Variants in MAP7 observed in about 807,000 individuals in gnomAD.
MAP7 encodes ensconsin.
MAP7 carries 52 observed loss-of-function variants against 94.8 expected under a neutral mutation model. The ratio of observed to expected loss-of-function variants is 0.55; its 90% CI spans 0.44 to 0.69. MAP7 has a LOEUF of 0.69. Ranked by LOEUF, MAP7 falls within the 30% of genes least tolerant of loss-of-function variation. The pLI, the probability that MAP7 is intolerant of heterozygous loss-of-function variation, is 0.00. For synonymous variants in MAP7, 350 were observed against 357.0 expected (o/e 0.98, Z 0.22); for missense variants, 940 against 964.6 (o/e 0.97, Z 0.34).
intron 1 of MAP7, among the ~76,000 whole-genome samples, chr6:136,479,629 C>T (rs181994729): frequency 1.3e-5 from 2 of 152,226 alleles, no homozygotes; most frequent in East Asian, 1.9e-4. Flanking sequence ...TACCAAAATA[C>T]TATTATAACT....
At position 136,544,923 on chromosome 6, in the gene MAP7, GC is replaced by G. The variant is rs748514356; in HGVS notation, c.67+5418del. Among the ~76,000 whole-genome samples, 3 of 152,126 alleles carry G rather than the reference GC, an allele frequency of 2.0e-5. No homozygotes were observed. The South Asian group carries it at 6.2e-4, about 32-fold the overall frequency. On this transcript the variant is annotated intron_variant, in intron 1 of 17. Transcript: ENST00000354570. ...CAGCCCAGGCAACATAGCAAGACCC[GC>G]CCCCCATCTCTTTGGGGTAAAGAAC...
intron 6 of MAP7, among the ~76,000 whole-genome samples, chr6:136,379,542 T>A: frequency 6.6e-6 from 1 of 152,216 alleles, no homozygotes; most frequent in East Asian, 1.9e-4. Context: ...AGAATACATG[T>A]ACAGGGTAAA....
intron 3 of MAP7, among the ~76,000 whole-genome samples, chr6:136,394,435 T>A (rs566743607): frequency 6.6e-6 from 1 of 151,884 alleles, no homozygotes; most frequent in South Asian, 2.1e-4. Context: ...AATTTTTTTT[T>A]ATGTTTTTTA....
intron 1 of MAP7, among the ~76,000 whole-genome samples, chr6:136,536,424 C>T (rs1225628146): frequency 6.6e-6 from 1 of 152,062 alleles, no homozygotes; most frequent in African/African-American, 2.4e-5. Flanking sequence ...GACCTAAACC[C>T]GTGGATGGCA....
intron 1 of MAP7, among the ~76,000 whole-genome samples, chr6:136,454,814 G>T (rs1316180474): frequency 6.6e-6 from 1 of 152,006 alleles, no homozygotes; most frequent in African/African-American, 2.4e-5. Context: ...TGGGAGGATG[G>T]CTTAAGCTCA....
At chr6:136,345,306 T>C (rs946368394) in intron 17 of MAP7, among the ~76,000 whole-genome samples, 3 of 152,208 alleles carry the variant, frequency 2.0e-5, no homozygotes, top group African/African-American at 7.2e-5. Context: ...TTAGACTCAG[T>C]GTGAGTACTG....
chr6:136,505,065 A>T lies in MAP7; in HGVS notation c.67+45277T>A, dbSNP rs1349137072. On this transcript the variant is annotated intron_variant, in intron 1 of 17. Coordinates refer to ENST00000354570, the MANE Select transcript of MAP7 (RefSeq NM_003980.6). ...TGGCCCTCTGCTTCTTTTGTTTTTT[A>T]AAATAATTTTGCAAACATTGTAACT... Among the ~76,000 whole-genome samples, 5 of 151,944 alleles carry T rather than the reference A, an allele frequency of 3.3e-5. No individual in the cohort carries two copies. In the South Asian group the frequency reaches 8.3e-4, roughly 25 times the overall value.
At chr6:136,472,528 A>T (rs575874474) in intron 1 of MAP7, among the ~76,000 whole-genome samples, 67 of 152,270 alleles carry the variant, frequency 4.4e-4, no homozygotes, top group African/African-American at 1.5e-3. Context: ...ATATAATTTG[A>T]TGTTTCCTTT....
chr6:136,434,087 G>A lies in MAP7; in HGVS notation c.68-12288C>T, dbSNP rs566225129. Among the ~76,000 whole-genome samples the A allele has an allele frequency of 4.6e-5, 7 of 152,132 alleles. No individual in the cohort carries two copies. The East Asian group carries it at 5.8e-4, about 13-fold the overall frequency. On this transcript the variant is annotated intron_variant, in intron 1 of 17. Transcript: ENST00000354570. Reference sequence around the variant, plus strand: ...TTTGGGGTGCCAGGGCGAGTGGATCGCTGAGCTCAGGAGTTCGAGACCAGC... The same window carrying A: ...TTTGGGGTGCCAGGGCGAGTGGATCACTGAGCTCAGGAGTTCGAGACCAGC...
intron 2 of MAP7, chr6:136,419,897 C>G: frequency 1.9e-6 from 1 of 532,854 alleles, no homozygotes; most frequent in Non-Finnish European, 3.5e-6. Context: ...GGATTATCCA[C>G]TATCTTCTCT....
At chr6:136,474,319 T>C (rs1397177783) in intron 1 of MAP7, among the ~76,000 whole-genome samples, 1 of 152,198 alleles carries the variant, frequency 6.6e-6, no homozygotes, top group Non-Finnish European at 1.5e-5. Flanking sequence ...GTGACTCTGG[T>C]TGCTGTGTAG....
chr6:136,474,416 G>C (rs1810148244), intron 1 of MAP7, among the ~76,000 whole-genome samples: 1 of 152,144 alleles, frequency 6.6e-6, no homozygotes, highest in African/African-American at 2.4e-5. Flanking sequence ...AATCTGAGGA[G>C]AGAGCAGATG....
intron 1 of MAP7, among the ~76,000 whole-genome samples, chr6:136,479,943 G>C (rs1392946511): frequency 3.3e-5 from 5 of 152,112 alleles, no homozygotes; most frequent in Non-Finnish European, 5.9e-5. Flanking sequence ...CAGATTCAAT[G>C]CAATTCCTAT....
intron 5 of MAP7, among the ~76,000 whole-genome samples, chr6:136,387,696 A>C: frequency 6.6e-6 from 1 of 152,184 alleles, no homozygotes; most frequent in East Asian, 1.9e-4. Flanking sequence ...TGATGATTCA[A>C]CAAAACCACC....
chr6:136,462,393 T>C (rs1389923535), intron 1 of MAP7, among the ~76,000 whole-genome samples: 2 of 152,186 alleles, frequency 1.3e-5, no homozygotes, highest in African/African-American at 4.8e-5. Flanking sequence ...CCTTCCTGAT[T>C]TAAGTTTCTC....
chr6:136,431,371 T>C (rs1392762514), intron 1 of MAP7, among the ~76,000 whole-genome samples: 3 of 152,050 alleles, frequency 2.0e-5, no homozygotes, highest in Non-Finnish European at 4.4e-5. Context: ...AACCAAAACA[T>C]AATGGGAAAT....
intron 1 of MAP7, among the ~76,000 whole-genome samples, chr6:136,475,671 A>T (rs1224433506): frequency 2.6e-5 from 4 of 152,234 alleles, no homozygotes; most frequent in Non-Finnish European, 5.9e-5. Context: ...ATTATCAAAA[A>T]TTATAATTAG....
intron 6 of MAP7, among the ~76,000 whole-genome samples, chr6:136,381,917 CACAGAGAG>C (rs1777870311): frequency 1.5e-5 from 2 of 135,862 alleles, no homozygotes; most frequent in Admixed American, 1.5e-4. Flanking sequence ...CACACACACA[CACAGAGAG>C]AGAGAGAGAG....
chr6:136,410,946 G>C (rs1787241065), intron 3 of MAP7, among the ~76,000 whole-genome samples: 1 of 152,128 alleles, frequency 6.6e-6, no homozygotes, highest in South Asian at 2.1e-4. Flanking sequence ...ACATCATTCA[G>C]GTATATTTCA....
Sources: allele counts gnomAD v4.1 joint callset (sites outside exome capture counted in the v4.1 genomes callset), GRCh38; gene constraint gnomAD v4.1.1; transcripts MANE v1.5; gene names NCBI Gene and HGNC (gene_info 2026-07-23, HGNC 2026-07-21).